Variants in MACROH2A2 observed in about 807,000 individuals in gnomAD.
The protein encoded by MACROH2A2 is core histone macro-H2A.2.
A neutral mutation model predicts 37.6 loss-of-function variants in MACROH2A2; 6 were observed. The observed-to-expected ratio is 0.16, with a 90% CI of 0.09 to 0.32. The LOEUF (loss-of-function observed/expected upper bound fraction) is 0.32. Ranked by LOEUF, MACROH2A2 falls within the 10% of genes least tolerant of loss-of-function variation. The pLI, the probability that MACROH2A2 is intolerant of heterozygous loss-of-function variation, is 1.00. For missense variants in MACROH2A2, 290 were observed against 485.9 expected, an observed-to-expected ratio of 0.60 and a Z score of 3.79; for synonymous variants, 192 against 202.7, an observed-to-expected ratio of 0.95 and a Z score of 0.45.
intron 8 of MACROH2A2, among the ~76,000 whole-genome samples, chr10:70,109,740 C>G (rs573534920): frequency 7.9e-5 from 12 of 152,228 alleles, no homozygotes; most frequent in African/African-American, 2.6e-4. Context: ...GCCAGGAGTT[C>G]GAGGCTTTGA....
chr10:70,101,797 AG>A (rs1458374367), intron 7 of MACROH2A2, among the ~76,000 whole-genome samples: 1 of 152,160 alleles, frequency 6.6e-6, no homozygotes, highest in African/African-American at 2.4e-5. Context: ...TTTTTTTCAA[AG>A]TTCATCCATA....
In MACROH2A2 at chr10:70,075,407, G is replaced by A. The variant is rs1242024715; in HGVS notation, c.-59-193G>A. 6.6e-6 allele frequency among the ~76,000 whole-genome samples: 1 copy of A among 152,152 alleles called. No homozygotes were observed. The highest frequency in any genetic ancestry group is 2.4e-5 in the African/African-American group (1 of 41,436). ...CTGCTTTGGTGGGGGAGGGATGTTT[G>A]TGGGTGGGCTTGCCCATGCCCTTCA... On this transcript the variant is annotated intron_variant, in intron 1 of 8. Coordinates refer to ENST00000373255, the MANE Select transcript of MACROH2A2 (RefSeq NM_018649.3). The surrounding 1 kb of genome is among the most constrained non-coding windows in gnomAD (Gnocchi z 5.0).
At chr10:70,073,560 T>C (rs566919715) in intron 1 of MACROH2A2, among the ~76,000 whole-genome samples, 110 of 152,092 alleles carry the variant, frequency 7.2e-4, no homozygotes, top group Non-Finnish European at 1.4e-3. Context: ...AATAGGGGAG[T>C]AGTAAGTACA....
intron 2 of MACROH2A2, among the ~76,000 whole-genome samples, chr10:70,080,981 C>T (rs1054648905): frequency 2.1e-5 from 3 of 144,196 alleles, no homozygotes; most frequent in Middle Eastern, 7.8e-3. Context: ...GGGAGGATTC[C>T]TTGAGCCCAG....
intron 8 of MACROH2A2, among the ~76,000 whole-genome samples, chr10:70,110,979 T>C (rs1177014424): frequency 1.3e-5 from 2 of 150,604 alleles, no homozygotes; most frequent in Admixed American, 6.6e-5. Context: ...ACTAAAATCA[T>C]TGTGCTTGGC....
intron 1 of MACROH2A2, among the ~76,000 whole-genome samples, chr10:70,070,736 C>G (rs1418761992): frequency 6.6e-6 from 1 of 152,176 alleles, no homozygotes; most frequent in Non-Finnish European, 1.5e-5. Context: ...GATCCACCCA[C>G]CTTAGCCTCC....
At chr10:70,081,369 G>A (rs752549334) in intron 2 of MACROH2A2, among the ~76,000 whole-genome samples, 84 of 152,186 alleles carry the variant, frequency 5.5e-4, no homozygotes, top group Admixed American at 1.3e-3. Flanking sequence ...GGTTCACATC[G>A]GTGTGTTAAG....
intron 4 of MACROH2A2, among the ~76,000 whole-genome samples, chr10:70,092,490 T>G (rs1445826711): frequency 6.6e-6 from 1 of 151,986 alleles, no homozygotes; most frequent in East Asian, 1.9e-4. Flanking sequence ...AGCCAGTCTA[T>G]AGCATTTTGT....
intron 1 of MACROH2A2, among the ~76,000 whole-genome samples, chr10:70,066,957 A>C (rs2072082903): frequency 6.6e-6 from 1 of 152,206 alleles, no homozygotes; most frequent in South Asian, 2.1e-4. Flanking sequence ...TTTGCTGTTT[A>C]GAATGGCCCC....
Position 70,095,739 on chromosome 10 carries a change from TCA to T in MACROH2A2, c.675_676del (p.Lys226ArgfsTer5). The T allele has an allele frequency of 6.4e-7, 1 of 1,552,806 alleles. No individual in the cohort carries two copies. The highest frequency in any genetic ancestry group is 8.9e-7 in the Non-Finnish European group (1 of 1,123,976). ...CACCCAACCACAGCCGAAATTGACCTCAAAGAAGATATAGGTAAGGTCCTGAG... is the reference window on the plus strand; with the variant it reads ...CACCCAACCACAGCCGAAATTGACCTAAGAAGATATAGGTAAGGTCCTGAG... On this transcript the variant is annotated frameshift_variant, in exon 6 of 9. Coordinates refer to ENST00000373255, the MANE Select transcript of MACROH2A2 (RefSeq NM_018649.3). LOFTEE classifies it high-confidence loss of function.
At chr10:70,068,921 C>T (rs1200646221) in intron 1 of MACROH2A2, among the ~76,000 whole-genome samples, 1 of 152,184 alleles carries the variant, frequency 6.6e-6, no homozygotes, top group Admixed American at 6.5e-5. Flanking sequence ...TTAACAACAT[C>T]TAATGTAGTT....
intron 1 of MACROH2A2, among the ~76,000 whole-genome samples, chr10:70,074,233 A>G (rs994730089): frequency 6.6e-6 from 1 of 152,186 alleles, no homozygotes; most frequent in African/African-American, 2.4e-5. Context: ...CTTCACACAA[A>G]AGATAGCTTC....
At chr10:70,058,295 TTGGAA>T (rs2072029203) in intron 1 of MACROH2A2, among the ~76,000 whole-genome samples, 1 of 152,214 alleles carries the variant, frequency 6.6e-6, no homozygotes, top group Non-Finnish European at 1.5e-5. Context: ...CAATTTGGAC[TTGGAA>T]TGGAGTAAGT....
At chr10:70,093,173 G>A (rs1367653848) in intron 4 of MACROH2A2, among the ~76,000 whole-genome samples, 1 of 152,132 alleles carries the variant, frequency 6.6e-6, no homozygotes, top group Non-Finnish European at 1.5e-5. Context: ...AGGCACACAA[G>A]CCAAGGCTAT....
chr10:70,069,767 A>G (rs1326769873), intron 1 of MACROH2A2, among the ~76,000 whole-genome samples: 1 of 151,794 alleles, frequency 6.6e-6, no homozygotes. Flanking sequence ...TTCTTTTTAG[A>G]CAGTAGGCCT....
chr10:70,103,456 C>T (rs1268509697), intron 7 of MACROH2A2, among the ~76,000 whole-genome samples: 1 of 152,178 alleles, frequency 6.6e-6, no homozygotes, highest in Non-Finnish European at 1.5e-5. Flanking sequence ...GATCCTCCTG[C>T]CTCAGCCTCC....
chr10:70,088,872 G>A (rs2072227186), intron 2 of MACROH2A2, among the ~76,000 whole-genome samples: 1 of 152,228 alleles, frequency 6.6e-6, no homozygotes, highest in South Asian at 2.1e-4. Flanking sequence ...GGGAGGCCCA[G>A]GCGGGTGGAT....
At chr10:70,055,904 A>T (rs1359096542) in intron 1 of MACROH2A2, among the ~76,000 whole-genome samples, 1 of 152,206 alleles carries the variant, frequency 6.6e-6, no homozygotes, top group African/African-American at 2.4e-5. Context: ...ATGGCTAAAT[A>T]AACTCTGGTG....
Position 70,109,674 on chromosome 10 carries a change from G to A in MACROH2A2, c.953+467G>A, listed in dbSNP as rs575901586. ...GCAGAATCTCAGGCCCCCCATCTCC[G>A]ACCTCTGGCTCCAGAATCCCCAGAG... On this transcript the variant is annotated intron_variant, in intron 8 of 8. Transcript: ENST00000373255. Among the ~76,000 whole-genome samples, 14 of 152,278 alleles carry A rather than the reference G, an allele frequency of 9.2e-5. No individual in the cohort carries two copies. In the East Asian group the frequency reaches 1.4e-3, roughly 15 times the overall value.
Sources: allele counts gnomAD v4.1 joint callset (sites outside exome capture counted in the v4.1 genomes callset), GRCh38; gene constraint gnomAD v4.1.1; non-coding constraint Gnocchi (gnomAD v3.1); transcripts MANE v1.5; gene names NCBI Gene and HGNC (gene_info 2026-07-23, HGNC 2026-07-21).